Variants in AASS observed in about 807,000 individuals in gnomAD.
AASS encodes the protein alpha-aminoadipic semialdehyde synthase, mitochondrial.
A neutral mutation model predicts 105.4 loss-of-function variants in AASS; 86 were observed. The observed-to-expected ratio is 0.82, with a 90% CI of 0.69 to 0.98. The LOEUF (loss-of-function observed/expected upper bound fraction) is 0.98. Ranked by LOEUF, AASS falls within the 50% of genes least tolerant of loss-of-function variation. The pLI, the probability that AASS is intolerant of heterozygous loss-of-function variation, is 0.00. For synonymous variants in AASS, 381 were observed against 394.8 expected, an observed-to-expected ratio of 0.96 and a Z score of 0.41; for missense variants, 1,048 against 1,143.2, an observed-to-expected ratio of 0.92 and a Z score of 1.20.
intron 4 of AASS, among the ~76,000 whole-genome samples, chr7:122,120,728 C>T (rs987159078): frequency 4.6e-5 from 7 of 152,016 alleles, no homozygotes; most frequent in Non-Finnish European, 1.0e-4. Context: ...TTATACCCCA[C>T]ACATTTTGAT....
At chr7:122,105,675 A>G (rs1252493534) in intron 11 of AASS, among the ~76,000 whole-genome samples, 1 of 152,050 alleles carries the variant, frequency 6.6e-6, no homozygotes, top group Non-Finnish European at 1.5e-5. Context: ...ATTTCTAGAG[A>G]CAAATGAAAA....
At chr7:122,134,639 G>C (rs1796064429) in intron 1 of AASS, among the ~76,000 whole-genome samples, 1 of 152,020 alleles carries the variant, frequency 6.6e-6, no homozygotes, top group South Asian at 2.1e-4. Flanking sequence ...CAAAAGTATT[G>C]GTCCTCAACA....
chr7:122,095,176 G>A (rs924150162), intron 15 of AASS, among the ~76,000 whole-genome samples: 4 of 151,946 alleles, frequency 2.6e-5, no homozygotes, highest in African/African-American at 7.3e-5. Context: ...AAGGGTCCAC[G>A]GAGGAGACAG....
chr7:122,098,513 A>T lies in AASS; in HGVS notation c.1592T>A (p.Met531Lys), dbSNP rs770094116. Residue 531 changes from methionine (M) to lysine (K), a missense_variant, in exon 15 of 24, where the codon ATG becomes AAG. Physicochemically the swap from Met to Lys is moderately conservative, Grantham distance 95. Transcript: ENST00000417368. ...CTTCTCTTCTTGTTTACAAATGTCC[A>T]TGCTAACAGGATTAATATTATATTT... ...GKKYNINPVS[M>K]DICKQEEKLG... 6 of 1,611,618 alleles carry T rather than the reference A, an allele frequency of 3.7e-6. No homozygotes were observed. In the Admixed American group the frequency reaches 5.0e-5, roughly 13 times the overall value.
chr7:122,085,827 CAATT>C (rs1562906205), intron 19 of AASS, among the ~76,000 whole-genome samples, 181 bp downstream of exon 19: 1 of 152,026 alleles, frequency 6.6e-6, no homozygotes, highest in Non-Finnish European at 1.5e-5. Context: ...CCTAATGAGT[CAATT>C]AATTATCTTT....
chr7:122,105,518 ATATTAAG>A (rs1794629900), intron 11 of AASS, among the ~76,000 whole-genome samples: 1 of 152,120 alleles, frequency 6.6e-6, no homozygotes, highest in Non-Finnish European at 1.5e-5. Flanking sequence ...AATTGAAATC[ATATTAAG>A]TATTGTTTCT....
At chr7:122,136,566 TCA>T (rs2150556180) in intron 1 of AASS, among the ~76,000 whole-genome samples, 1 of 152,346 alleles carries the variant, frequency 6.6e-6, no homozygotes, top group African/African-American at 2.4e-5. Flanking sequence ...CCCATAACAT[TCA>T]GTCTTCTCGA....
intron 18 of AASS, among the ~76,000 whole-genome samples, chr7:122,091,382 A>G (rs1793890387): frequency 6.6e-6 from 1 of 152,164 alleles, no homozygotes; most frequent in African/African-American, 2.4e-5. Flanking sequence ...TCCAGCACAT[A>G]GTAGGTACTC....
chr7:122,097,727 T>C (rs1167212222), intron 15 of AASS, among the ~76,000 whole-genome samples: 1 of 152,090 alleles, frequency 6.6e-6, no homozygotes, highest in Non-Finnish European at 1.5e-5. Flanking sequence ...GGCTAAATAA[T>C]CTACTTATTC....
intron 21 of AASS, 106 bp downstream of exon 21, chr7:122,079,491 A>C: frequency 9.1e-7 from 1 of 1,095,248 alleles, no homozygotes; most frequent in Non-Finnish European, 1.4e-6. Context: ...ACATTAGAGC[A>C]ACGAATTAAT....
Position 122,076,460 on chromosome 7 carries a change from G to T in AASS, c.*29C>A. 2 of 1,483,490 alleles carry T rather than the reference G, an allele frequency of 1.3e-6. No individual in the cohort carries two copies. Among genetic ancestry groups the T allele is most frequent in the Admixed American group, 1.7e-5 (1 of 59,854 alleles). The allele number at this position is 1,483,490 out of a possible 1,614,324, so 91.9% of individuals were successfully genotyped here. ...CACATGTTCAGAGGTGTATTGCCTG[G>T]GAAGAAAAAAACAAAATATAATTCC... On this transcript the variant is annotated 3_prime_UTR_variant, in exon 24 of 24. Coordinates refer to ENST00000417368, the MANE Select transcript of AASS (RefSeq NM_005763.4).
chr7:122,116,989 A>G (rs753326418), intron 6 of AASS, 32 bp from the exon 7 acceptor site: 8 of 1,583,392 alleles, frequency 5.1e-6, no homozygotes, highest in African/African-American at 1.3e-5. Context: ...AAATCCAAAA[A>G]TCAATAGAAA....
chr7:122,093,035 GA>G lies in AASS; in HGVS notation c.1766+12del, dbSNP rs1356270412. The G allele has an allele frequency of 6.2e-7, 1 of 1,611,650 alleles. No individual in the cohort carries two copies. Among genetic ancestry groups the G allele is most frequent in the Middle Eastern group, 1.7e-4 (1 of 6,054 alleles). The stretch of plus-strand genomic sequence containing the variant: ...TGGATCCACTCAGTTTGTTTAAAAT[GA>G]TTAAAACTTACCTCTTTTCCAATTC... On this transcript the variant is annotated intron_variant, in intron 16 of 23. Coordinates refer to ENST00000417368, the MANE Select transcript of AASS (RefSeq NM_005763.4).
At chr7:122,112,793 C>T (rs779193697) in intron 11 of AASS, among the ~76,000 whole-genome samples, 11 of 151,768 alleles carry the variant, frequency 7.2e-5, no homozygotes, top group Non-Finnish European at 7.4e-5. Flanking sequence ...TAAGAGTGCC[C>T]CAATATGAAC....
intron 6 of AASS, among the ~76,000 whole-genome samples, chr7:122,117,719 A>T (rs1365927977): frequency 6.6e-6 from 1 of 151,846 alleles, no homozygotes; most frequent in Non-Finnish European, 1.5e-5. Flanking sequence ...GCAGTGGTGC[A>T]ATCTCGGCTC....
chr7:122,116,835 A>G (rs201030353), intron 7 of AASS, 44 bp downstream of exon 7: 185 of 1,609,792 alleles, frequency 1.1e-4, no homozygotes, highest in Non-Finnish European at 1.4e-4. Flanking sequence ...ATTATAACAT[A>G]GACTGTTAAA....
chr7:122,117,926 G>A (rs958404324), intron 6 of AASS, among the ~76,000 whole-genome samples: 1 of 152,050 alleles, frequency 6.6e-6, no homozygotes, highest in African/African-American at 2.4e-5. Context: ...AAAGCACTGG[G>A]ATTATAGGTG....
intron 13 of AASS, among the ~76,000 whole-genome samples, chr7:122,099,906 C>T (rs983958963): frequency 1.3e-5 from 2 of 151,738 alleles, no homozygotes; most frequent in Non-Finnish European, 2.9e-5. Context: ...CACTATTATT[C>T]GGTTATTATA....
chr7:122,080,223 A>G (rs758463600), intron 20 of AASS, among the ~76,000 whole-genome samples: 8 of 152,210 alleles, frequency 5.3e-5, no homozygotes, highest in Non-Finnish European at 8.8e-5. Flanking sequence ...TCAAAACAAG[A>G]CTTTTTCTAG....
Sources: allele counts gnomAD v4.1 joint callset (sites outside exome capture counted in the v4.1 genomes callset), GRCh38; gene constraint gnomAD v4.1.1; transcripts MANE v1.5; gene names NCBI Gene and HGNC (gene_info 2026-07-23, HGNC 2026-07-21).